Variants in LDLRAD3 observed in about 807,000 individuals in gnomAD.
LDLRAD3 encodes low-density lipoprotein receptor class A domain-containing protein 3.
LDLRAD3 carries 20 observed loss-of-function variants against 29.4 expected under a neutral mutation model. The observed-to-expected ratio is 0.68, with a 90% CI of 0.48 to 0.99. The LOEUF (loss-of-function observed/expected upper bound fraction) is 0.99. LDLRAD3 is among the 50% of genes least tolerant of loss of function. The probability of loss-of-function intolerance (pLI) is 0.00; values close to 1 mark genes in which losing one functional copy is unlikely to be tolerated. For synonymous variants in LDLRAD3, 157 were observed against 192.7 expected (o/e 0.81, Z 1.53); for missense variants, 420 against 454.3 (o/e 0.92, Z 0.69).
At chr11:36,193,564 T>C (rs1854987743) in intron 4 of LDLRAD3, among the ~76,000 whole-genome samples, 2 of 152,330 alleles carry the variant, frequency 1.3e-5, no homozygotes, top group South Asian at 4.1e-4. Context: ...AGTCACCTTA[T>C]TCCTCATCTA....
rs77305873 is a variant in LDLRAD3 at position 36,216,976 on chromosome 11, C to T, written c.455-10109C>T. On this transcript the variant is annotated intron_variant, in intron 4 of 5. Coordinates refer to ENST00000315571, the MANE Select transcript of LDLRAD3 (RefSeq NM_174902.4). ...AATGGATTCTGACTTCAGACTCCTG[C>T]ACCCAAAGACTAGTTGTACCACTTG... 7.8e-3 allele frequency among the ~76,000 whole-genome samples: 1,181 copies of T among 152,292 alleles called. 16 individuals carry two copies. The highest frequency in any genetic ancestry group is 0.027 in the African/African-American group (1,129 of 41,550).
At chr11:36,225,432 C>G (rs2133392751) in intron 4 of LDLRAD3, among the ~76,000 whole-genome samples, 1 of 152,282 alleles carries the variant, frequency 6.6e-6, no homozygotes, top group Non-Finnish European at 1.5e-5. Flanking sequence ...AGCTCCTTAC[C>G]TGGGTGCTTG....
At chr11:36,143,611 G>A (rs1260971333) in intron 4 of LDLRAD3, among the ~76,000 whole-genome samples, 1 of 152,186 alleles carries the variant, frequency 6.6e-6, no homozygotes, top group Non-Finnish European at 1.5e-5. Context: ...CTTCCTAAGT[G>A]TATTAGTTGG....
chr11:36,145,041 C>G (rs1462850225), intron 4 of LDLRAD3, among the ~76,000 whole-genome samples: 3 of 107,882 alleles, frequency 2.8e-5, no homozygotes, highest in Admixed American at 8.2e-5. Flanking sequence ...CGCCTCTGCC[C>G]GGCCGCCTCT....
chr11:36,003,947 A>C (rs1353113382), intron 1 of LDLRAD3, among the ~76,000 whole-genome samples: 4 of 152,126 alleles, frequency 2.6e-5, no homozygotes, highest in South Asian at 2.1e-4. Flanking sequence ...ATCAGATCTC[A>C]TGAGAACTCA....
intron 1 of LDLRAD3, among the ~76,000 whole-genome samples, chr11:36,001,854 A>C (rs1316419344): frequency 6.6e-6 from 1 of 151,852 alleles, no homozygotes; most frequent in African/African-American, 2.4e-5. Flanking sequence ...CTATTCATTA[A>C]AAGCATTTCT....
At chr11:36,013,121 G>A (rs1463246031) in intron 1 of LDLRAD3, among the ~76,000 whole-genome samples, 3 of 152,192 alleles carry the variant, frequency 2.0e-5, no homozygotes, top group Non-Finnish European at 4.4e-5. Context: ...ATATCGCTGA[G>A]TGTTCTTATC....
At chr11:36,177,077 T>C (rs185573998) in intron 4 of LDLRAD3, among the ~76,000 whole-genome samples, 1 of 152,252 alleles carries the variant, frequency 6.6e-6, no homozygotes, top group East Asian at 1.9e-4. Flanking sequence ...AGCTCTGAAG[T>C]TCTTTCCTCT....
chr11:36,038,225 G>C (rs1399554132), intron 2 of LDLRAD3, among the ~76,000 whole-genome samples: 1 of 152,134 alleles, frequency 6.6e-6, no homozygotes, highest in Admixed American at 6.5e-5. Context: ...TTTTTTAAAA[G>C]TATTATTATG....
chr11:36,058,932 T>A (rs1308158391), intron 2 of LDLRAD3, among the ~76,000 whole-genome samples: 1 of 152,222 alleles, frequency 6.6e-6, no homozygotes, highest in Non-Finnish European at 1.5e-5. Context: ...TTCACAGCTC[T>A]CTGTCTTCCC....
chr11:36,127,531 G>A (rs558898491), intron 4 of LDLRAD3, among the ~76,000 whole-genome samples: 2 of 152,276 alleles, frequency 1.3e-5, no homozygotes, highest in Non-Finnish European at 2.9e-5. Flanking sequence ...TTGGAACATA[G>A]TAGGTACTCA....
At chr11:36,217,622 G>C (rs1855370080) in intron 4 of LDLRAD3, among the ~76,000 whole-genome samples, 1 of 152,206 alleles carries the variant, frequency 6.6e-6, no homozygotes, top group Non-Finnish European at 1.5e-5. Context: ...CCACAAACTT[G>C]GCTTTGAAAC....
chr11:36,183,977 TTTTC>T, intron 4 of LDLRAD3: 1 of 322,470 alleles, frequency 3.1e-6, no homozygotes, highest in Non-Finnish European at 6.0e-6. Flanking sequence ...TTTTTTTTTT[TTTTC>T]CCGAGATGGA....
At chr11:36,021,391 G>A (rs1590210529) in intron 1 of LDLRAD3, among the ~76,000 whole-genome samples, 2 of 152,306 alleles carry the variant, frequency 1.3e-5, no homozygotes, top group South Asian at 2.1e-4. Context: ...CCAGGTGTGT[G>A]TTAACGGGAG....
chr11:35,965,877 T>G (rs1205043203), intron 1 of LDLRAD3, among the ~76,000 whole-genome samples: 1 of 152,198 alleles, frequency 6.6e-6, no homozygotes, highest in Admixed American at 6.5e-5. Flanking sequence ...TTGCATTCAT[T>G]AAGATGACAC....
intron 4 of LDLRAD3, among the ~76,000 whole-genome samples, chr11:36,189,530 C>T (rs896088341): frequency 6.7e-6 from 1 of 149,632 alleles, no homozygotes; most frequent in South Asian, 2.1e-4. Flanking sequence ...AGCTATCACC[C>T]CCTGCACCCC....
At chr11:35,957,402 C>G (rs1393508174) in intron 1 of LDLRAD3, among the ~76,000 whole-genome samples, 1 of 152,202 alleles carries the variant, frequency 6.6e-6, no homozygotes, top group Non-Finnish European at 1.5e-5. Flanking sequence ...AGCTTATATC[C>G]TTGTCTATAT....
At chr11:36,049,938 G>A (rs1412408947) in intron 2 of LDLRAD3, among the ~76,000 whole-genome samples, 5 of 152,198 alleles carry the variant, frequency 3.3e-5, no homozygotes, top group Non-Finnish European at 5.9e-5. Flanking sequence ...GGCTCCTGCT[G>A]TCTCCTGTCA....
rs1447234454 is a variant in LDLRAD3 at position 36,045,428 on chromosome 11, A to G, written c.193+9179A>G. ...GATATTTATTCTTTCACAGTTCTGGAGGCTAGATGTCTAAGGCAAGGTGTC... is the reference window on the plus strand; with the variant it reads ...GATATTTATTCTTTCACAGTTCTGGGGGCTAGATGTCTAAGGCAAGGTGTC... On this transcript the variant is annotated intron_variant, in intron 2 of 5. Coordinates refer to ENST00000315571, the MANE Select transcript of LDLRAD3 (RefSeq NM_174902.4). 2.6e-5 allele frequency among the ~76,000 whole-genome samples: 4 copies of G among 152,194 alleles called. No individual in the cohort carries two copies. The East Asian group carries it at 7.7e-4, about 29-fold the overall frequency.
Sources: allele counts gnomAD v4.1 joint callset (sites outside exome capture counted in the v4.1 genomes callset), GRCh38; gene constraint gnomAD v4.1.1; transcripts MANE v1.5; gene names NCBI Gene and HGNC (gene_info 2026-07-23, HGNC 2026-07-21).